Variants in ANKS1B observed in about 807,000 individuals in gnomAD.
ANKS1B encodes the protein ankyrin repeat and sterile alpha motif domain-containing protein 1B.
Under a neutral mutation model 148.3 loss-of-function variants are expected in ANKS1B, and 36 were observed. The observed-to-expected ratio is 0.24, with a 90% CI of 0.19 to 0.32. The LOEUF is 0.32. Ranked by LOEUF, ANKS1B falls within the 10% of genes least tolerant of loss-of-function variation. The pLI, the probability that ANKS1B is intolerant of heterozygous loss-of-function variation, is 1.00. For synonymous variants in ANKS1B, 542 were observed against 560.8 expected, an observed-to-expected ratio of 0.97 and a Z score of 0.47; for missense variants, 1,157 against 1,542.6, an observed-to-expected ratio of 0.75 and a Z score of 4.19.
chr12:98,826,385 G>C (rs2099248808), intron 19 of ANKS1B, among the ~76,000 whole-genome samples: 1 of 151,826 alleles, frequency 6.6e-6, no homozygotes, highest in African/African-American at 2.4e-5. Flanking sequence ...AGGTAAAATG[G>C]ACATTAAATT....
chr12:98,954,711 A>G (rs970859194), intron 17 of ANKS1B, among the ~76,000 whole-genome samples: 1 of 152,202 alleles, frequency 6.6e-6, no homozygotes, highest in African/African-American at 2.4e-5. Context: ...TGATGTCACT[A>G]TATTCTTCCA....
chr12:99,481,802 T>G (rs1243313697), intron 10 of ANKS1B, among the ~76,000 whole-genome samples: 1 of 152,046 alleles, frequency 6.6e-6, no homozygotes, highest in Non-Finnish European at 1.5e-5. Context: ...CATATGTTTA[T>G]TAGCTATTTG....
chr12:98,995,359 G>C (rs2153326235), intron 17 of ANKS1B, among the ~76,000 whole-genome samples: 1 of 152,270 alleles, frequency 6.6e-6, no homozygotes, highest in African/African-American at 2.4e-5. Context: ...GGGAGGCCAA[G>C]GCAGATGGAT....
chr12:98,894,888 G>GC (rs1409530561), intron 17 of ANKS1B: 15 of 963,534 alleles, frequency 1.6e-5, no homozygotes, highest in Middle Eastern at 5.3e-4. Flanking sequence ...CCGCGCGCGC[G>GC]CCCCCCACTG....
rs555472673 is a variant in ANKS1B, at chr12:99,929,324, G to A, written c.134+54780C>T. ...TGAGAAGTGTCTGTTCATATCCTTC[G>A]CCCACTTGTTGATGGGGTGGTTTGT... On this transcript the variant is annotated intron_variant, in intron 1 of 26. Coordinates refer to ENST00000683438, the MANE Select transcript of ANKS1B (RefSeq NM_001352186.2). Among the ~76,000 whole-genome samples, 20 of 152,046 alleles carry A rather than the reference G, an allele frequency of 1.3e-4. No individual in the cohort carries two copies. The East Asian group carries it at 1.4e-3, about 10-fold the overall frequency.
At chr12:98,736,903 G>C in intron 9 of ANKS1B, among the ~76,000 whole-genome samples, 1 of 152,184 alleles carries the variant, frequency 6.6e-6, no homozygotes, top group South Asian at 2.1e-4. Flanking sequence ...ACTGTTTTAA[G>C]CAGCAGAGGA....
rs1173691129 is a variant in ANKS1B at position 98,745,300 on chromosome 12, G to A, written c.*439C>T. The A allele has an allele frequency of 1.0e-6, 1 of 984,420 alleles. No homozygotes were observed. The highest frequency in any genetic ancestry group is 1.8e-5 in the African/African-American group (1 of 56,582). 61.0% of individuals were successfully genotyped at this position (984,420 alleles called of 1,614,324 possible). A position where few individuals can be genotyped will look rare whatever the true frequency, so the allele number is the denominator to read the frequency against. On this transcript the variant is annotated 3_prime_UTR_variant, in exon 27 of 27. Coordinates refer to ENST00000683438, the MANE Select transcript of ANKS1B (RefSeq NM_001352186.2). ...AGATGCTTTGGAGGTGGGAGGGGTA[G>A]TGCTGCTCTGATTTCACCTTTAAAA...
chr12:98,940,411 C>A (rs1018461676), intron 17 of ANKS1B, among the ~76,000 whole-genome samples: 1 of 152,184 alleles, frequency 6.6e-6, no homozygotes, highest in African/African-American at 2.4e-5. Context: ...AAACTCCTTT[C>A]TTCTATCTCT....
intron 1 of ANKS1B, among the ~76,000 whole-genome samples, chr12:99,859,321 T>C (rs1051040773): frequency 3.9e-5 from 6 of 152,224 alleles, no homozygotes; most frequent in African/African-American, 1.4e-4. Context: ...TTAACAAGTT[T>C]ACACGCATAA....
chr12:98,835,424 C>T (rs11109619), intron 17 of ANKS1B, among the ~76,000 whole-genome samples: 16,077 of 152,120 alleles, frequency 0.11, 1,524 homozygotes, highest in African/African-American at 0.25. Context: ...AATCCTGGCC[C>T]AGAAGAACAA....
rs2097834247 is a variant in ANKS1B at position 98,744,238 on chromosome 12, T to G, written c.*1501A>C. Reference sequence around the variant, plus strand: ...CTGTTCAGTTCAAGTAATTTAATATTGTATTAAAATTCTTCAACACTGAAC... The same window carrying G: ...CTGTTCAGTTCAAGTAATTTAATATGGTATTAAAATTCTTCAACACTGAAC... On this transcript the variant is annotated 3_prime_UTR_variant, in exon 27 of 27. Transcript: ENST00000683438. 1.0e-6 allele frequency: 1 copy of G among 955,846 alleles called. No individual in the cohort carries two copies. Among genetic ancestry groups the G allele is most frequent in the African/African-American group, 1.8e-5 (1 of 56,508 alleles). The allele number at this position is 955,846 out of a possible 1,614,324, so 59.2% of individuals were successfully genotyped here.
At chr12:99,388,687 T>C (rs891671024) in intron 12 of ANKS1B, among the ~76,000 whole-genome samples, 1 of 152,184 alleles carries the variant, frequency 6.6e-6, no homozygotes, top group Non-Finnish European at 1.5e-5. Context: ...CTCATTTAGA[T>C]ATTGGCCAGG....
chr12:99,376,437 T>C (rs768989845), intron 12 of ANKS1B, among the ~76,000 whole-genome samples: 1 of 152,232 alleles, frequency 6.6e-6, no homozygotes, highest in Non-Finnish European at 1.5e-5. Flanking sequence ...GGTGTTCAGA[T>C]AGTGCTTTCA....
At chr12:98,979,153 A>T (rs925640696) in intron 17 of ANKS1B, among the ~76,000 whole-genome samples, 17 of 151,386 alleles carry the variant, frequency 1.1e-4, no homozygotes, top group African/African-American at 2.4e-4. Context: ...AAAAAAAGAA[A>T]TTTTTTTTTA....
intron 12 of ANKS1B, among the ~76,000 whole-genome samples, chr12:99,390,330 T>C (rs1436976777): frequency 6.6e-6 from 1 of 152,118 alleles, no homozygotes; most frequent in Admixed American, 6.5e-5. Flanking sequence ...GGGTACCTAA[T>C]GCCCTCACGG....
intron 1 of ANKS1B, among the ~76,000 whole-genome samples, chr12:99,924,559 A>C (rs10860540): frequency 0.09 from 13,690 of 152,164 alleles, 681 homozygotes; most frequent in African/African-American, 0.12. Context: ...CATATGTTGA[A>C]ATCCTAATCC....
At chr12:99,157,630 GGACTAATA>G (rs1465793738) in intron 14 of ANKS1B, among the ~76,000 whole-genome samples, 1 of 151,974 alleles carries the variant, frequency 6.6e-6, no homozygotes, top group Non-Finnish European at 1.5e-5. Context: ...CATAGAGAGT[GGACTAATA>G]GACACTGGAG....
At chr12:99,603,765 A>C (rs2153303621) in intron 9 of ANKS1B, among the ~76,000 whole-genome samples, 1 of 152,274 alleles carries the variant, frequency 6.6e-6, no homozygotes, top group East Asian at 1.9e-4. Context: ...AAAATCTTTA[A>C]ATATAGAAAA....
chr12:99,055,820 G>A (rs1209350519), intron 16 of ANKS1B, among the ~76,000 whole-genome samples: 2 of 152,134 alleles, frequency 1.3e-5, no homozygotes, highest in Non-Finnish European at 2.9e-5. Flanking sequence ...TATTGGAAAT[G>A]TCTGAGATGA....
Sources: allele counts gnomAD v4.1 joint callset (sites outside exome capture counted in the v4.1 genomes callset), GRCh38; gene constraint gnomAD v4.1.1; transcripts MANE v1.5; gene names NCBI Gene and HGNC (gene_info 2026-07-23, HGNC 2026-07-21).